CCDC146: variants seen among roughly 807,000 people sequenced by gnomAD.
CCDC146 encodes the protein coiled-coil domain-containing protein 146.
CCDC146 carries 92 observed loss-of-function variants against 119.3 expected under a neutral mutation model. The ratio of observed to expected loss-of-function variants is 0.77; its 90% CI spans 0.65 to 0.92. The LOEUF is 0.92. Among genes scored for constraint, CCDC146 ranks in the 40% least tolerant of loss-of-function variants. The pLI is 0.00. For synonymous variants in CCDC146, 372 were observed against 371.8 expected (o/e 1.00, Z -0.01); for missense variants, 1,000 against 1,103.0 (o/e 0.91, Z 1.32).
At chr7:77,207,528 G>A (rs2150444590) in intron 2 of CCDC146, among the ~76,000 whole-genome samples, 1 of 152,204 alleles carries the variant, frequency 6.6e-6, no homozygotes, top group Non-Finnish European at 1.5e-5. Context: ...CAAGAAAACA[G>A]CAAAATAGAC....
At chr7:77,156,698 G>A (rs1272895983) in intron 1 of CCDC146, among the ~76,000 whole-genome samples, 2 of 152,156 alleles carry the variant, frequency 1.3e-5, no homozygotes, top group East Asian at 1.9e-4. Context: ...AGGAATAACT[G>A]CAATCATTTT....
chr7:77,201,703 T>C (rs1423918511), intron 2 of CCDC146, among the ~76,000 whole-genome samples: 1 of 152,204 alleles, frequency 6.6e-6, no homozygotes. Context: ...CATCTTCATA[T>C]AGCTCTTTCA....
chr7:77,188,987 G>C (rs930382134), intron 2 of CCDC146, among the ~76,000 whole-genome samples: 1 of 152,044 alleles, frequency 6.6e-6, no homozygotes, highest in African/African-American at 2.4e-5. Context: ...GTAAAAGTCT[G>C]CTGCACATAA....
chr7:77,134,809 C>T (rs1790839027), intron 1 of CCDC146, among the ~76,000 whole-genome samples: 1 of 152,112 alleles, frequency 6.6e-6, no homozygotes, highest in Non-Finnish European at 1.5e-5. Flanking sequence ...GGATAGGTTC[C>T]AGCTAGCTGA....
chr7:77,134,205 A>C (rs1790828440), intron 1 of CCDC146, among the ~76,000 whole-genome samples: 2 of 152,056 alleles, frequency 1.3e-5, no homozygotes, highest in African/African-American at 4.8e-5. Flanking sequence ...GTTCAAACAC[A>C]TATATTGCTA....
intron 8 of CCDC146, among the ~76,000 whole-genome samples, chr7:77,261,531 G>A (rs1014438647): frequency 2.0e-5 from 3 of 152,118 alleles, no homozygotes; most frequent in Admixed American, 2.0e-4. Flanking sequence ...ACTGCGGACT[G>A]CAGTGGCGCA....
At chr7:77,238,154 G>T (rs1792774065) in intron 3 of CCDC146, among the ~76,000 whole-genome samples, 1 of 152,076 alleles carries the variant, frequency 6.6e-6, no homozygotes, top group Non-Finnish European at 1.5e-5. Flanking sequence ...CCCCAGCCTT[G>T]GTTCCTCATC....
At chr7:77,176,915 A>G (rs1791508167) in intron 2 of CCDC146, among the ~76,000 whole-genome samples, 1 of 152,008 alleles carries the variant, frequency 6.6e-6, no homozygotes, top group East Asian at 1.9e-4. Context: ...AGCTCACTGC[A>G]ACTTCTACCT....
rs6967658 is a variant in CCDC146 at position 77,286,842 on chromosome 7, C to T, written c.2193C>T (p.Phe731=). 17,738 of 1,613,604 alleles carry T rather than the reference C, an allele frequency of 0.011. 1,709 individuals carry two copies. In the African/African-American group the frequency reaches 0.21, roughly 19 times the overall value. ...GAATTAAAGACCTGGAGAAACAGTT[C>T]GTAAAGCCTGATGGTGAGAATAGAG... ...TDRIKDLEKQ[F]VKPDGENRAR... Residue 731 remains phenylalanine, a synonymous_variant, in exon 16 of 19, where the codon TTC becomes TTT. Transcript: ENST00000285871.
intron 8 of CCDC146, among the ~76,000 whole-genome samples, chr7:77,261,266 T>C (rs1584121848): frequency 1.3e-5 from 2 of 152,070 alleles, no homozygotes; most frequent in African/African-American, 4.8e-5. Flanking sequence ...ATTCTCTCCC[T>C]CCTCCCATCC....
intron 4 of CCDC146, among the ~76,000 whole-genome samples, chr7:77,246,171 A>G (rs564210011): frequency 1.3e-5 from 2 of 152,286 alleles, no homozygotes; most frequent in South Asian, 2.1e-4. Context: ...CTCAGTGATC[A>G]TTCAGTCTAT....
intron 1 of CCDC146, among the ~76,000 whole-genome samples, chr7:77,164,303 T>G (rs1301939680): frequency 1.3e-5 from 2 of 152,070 alleles, no homozygotes; most frequent in African/African-American, 4.8e-5. Context: ...CAAAACAAAT[T>G]TAAATATATA....
intron 18 of CCDC146, among the ~76,000 whole-genome samples, 184 bp from the exon 19 acceptor site, chr7:77,294,463 GGTGTGTGTGTGTGTGT>G (rs61323999): frequency 1.5e-5 from 2 of 134,310 alleles, no homozygotes; most frequent in Admixed American, 7.3e-5. Flanking sequence ...ATGAGAGGTA[GGTGTGTGTGTGTGTGT>G]GTGTGTGTGT....
At chr7:77,219,632 T>C (rs575537996) in intron 2 of CCDC146, among the ~76,000 whole-genome samples, 1 of 152,340 alleles carries the variant, frequency 6.6e-6, no homozygotes, top group African/African-American at 2.4e-5. Context: ...TGTAACACTT[T>C]ATTATCGGGG....
At chr7:77,277,463 G>A (rs1231752196) in intron 11 of CCDC146, among the ~76,000 whole-genome samples, 1 of 152,070 alleles carries the variant, frequency 6.6e-6, no homozygotes, top group Non-Finnish European at 1.5e-5. Flanking sequence ...AAGGACAAAT[G>A]TTTATCCCTT....
rs745646881 is a variant in CCDC146 at position 77,262,298 on chromosome 7, T to A, written c.1164T>A (p.Leu388=). The change falls in exon 9 of 19, where the codon CTT becomes CTA. Residue 388 remains leucine (L), a synonymous_variant. Coordinates refer to ENST00000285871, the MANE Select transcript of CCDC146 (RefSeq NM_020879.3). ...AAACTCAAGCACTGCATCAAAGGCT[T>A]CTATTAGAGGTGAGGGCTGTAAACT... ...LRQTQALHQR[L]LLEMEAIPKD... 3.1e-6 allele frequency: 5 copies of A among 1,600,966 alleles called. No individual in the cohort carries two copies. The highest frequency in any genetic ancestry group is 3.4e-6 in the Non-Finnish European group (4 of 1,173,896).
intron 6 of CCDC146, among the ~76,000 whole-genome samples, chr7:77,258,647 G>A (rs569583800): frequency 3.0e-4 from 45 of 152,270 alleles, no homozygotes; most frequent in African/African-American, 1.1e-3. Context: ...GATTTCAGTA[G>A]GTTAGGTGTA....
intron 2 of CCDC146, among the ~76,000 whole-genome samples, chr7:77,218,182 A>G (rs542237795): frequency 1.1e-4 from 16 of 152,246 alleles, no homozygotes; most frequent in Non-Finnish European, 2.4e-4. Context: ...TCCATCATTG[A>G]CTGAAATGTC....
intron 2 of CCDC146, chr7:77,199,802 T>A (rs1791952000): frequency 6.2e-7 from 1 of 1,611,694 alleles, no homozygotes; most frequent in Non-Finnish European, 8.5e-7. Context: ...ATCTTTACAG[T>A]GCTGCTCACC....
Sources: gnomAD v4.1 joint callset for allele counts (sites outside exome capture counted in the v4.1 genomes callset) on GRCh38, gnomAD v4.1.1 for gene constraint, MANE v1.5 for transcripts, NCBI Gene and HGNC (gene_info 2026-07-23, HGNC 2026-07-21) for gene names.